Variants in ROBO1 observed in about 807,000 individuals in gnomAD.
The protein encoded by ROBO1 is roundabout homolog 1.
A neutral mutation model predicts 195.9 loss-of-function variants in ROBO1; 149 were observed. That is an observed-to-expected ratio of 0.76 (90% CI 0.67 to 0.87). The LOEUF is 0.87. Ranked by LOEUF, ROBO1 falls within the 40% of genes least tolerant of loss-of-function variation. The probability of loss-of-function intolerance (pLI) is 0.00; values close to 1 mark genes in which losing one functional copy is unlikely to be tolerated. For missense variants in ROBO1, 1,933 were observed against 2,068.3 expected (o/e 0.93, Z 1.27); for synonymous variants, 816 against 733.2 (o/e 1.11, Z -1.82).
chr3:79,352,996 A>C (rs1181325226), intron 2 of ROBO1, among the ~76,000 whole-genome samples: 7 of 152,188 alleles, frequency 4.6e-5, no homozygotes, highest in African/African-American at 1.4e-4. Context: ...ACAGAGAGTT[A>C]AGAATCAATG....
chr3:79,092,531 A>T (rs1000906826), intron 3 of ROBO1, among the ~76,000 whole-genome samples: 2 of 152,152 alleles, frequency 1.3e-5, no homozygotes, highest in Non-Finnish European at 2.9e-5. Flanking sequence ...ATAAAATTTC[A>T]TTTCTGAAGT....
intron 2 of ROBO1, among the ~76,000 whole-genome samples, chr3:79,171,471 T>C (rs1201069335): frequency 6.7e-6 from 1 of 149,850 alleles, no homozygotes; most frequent in Non-Finnish European, 1.5e-5. Flanking sequence ...CTTTTGTTGA[T>C]ATTCTAGATT....
chr3:79,449,710 G>A (rs1326620732), intron 2 of ROBO1, among the ~76,000 whole-genome samples: 6 of 152,022 alleles, frequency 3.9e-5, no homozygotes, highest in Non-Finnish European at 7.4e-5. Context: ...GTTATAGTTT[G>A]ATGATAAATA....
intron 1 of ROBO1, among the ~76,000 whole-genome samples, chr3:79,640,960 C>G (rs1945641628): frequency 6.6e-6 from 1 of 152,016 alleles, no homozygotes; most frequent in African/African-American, 2.4e-5. Flanking sequence ...TTTGCATTCC[C>G]CAAGCTATCT....
chr3:79,435,104 C>A (rs2038838462), intron 2 of ROBO1, among the ~76,000 whole-genome samples: 1 of 152,050 alleles, frequency 6.6e-6, no homozygotes, highest in African/African-American at 2.4e-5. Flanking sequence ...AGGAAATATA[C>A]CTAATATAAA....
intron 4 of ROBO1, among the ~76,000 whole-genome samples, chr3:78,933,521 A>G (rs1413213773): frequency 2.0e-5 from 3 of 152,102 alleles, no homozygotes; most frequent in Non-Finnish European, 4.4e-5. Context: ...TGATATTTGG[A>G]TGCAACAAGT....
chr3:79,273,301 A>G (rs2030737940), intron 2 of ROBO1, among the ~76,000 whole-genome samples: 1 of 152,118 alleles, frequency 6.6e-6, no homozygotes, highest in African/African-American at 2.4e-5. Context: ...TAACTACAAC[A>G]ACTTTTCCAG....
Position 78,936,992 on chromosome 3 carries a change from T to C in ROBO1, c.499+1609A>G, listed in dbSNP as rs1366542689. On this transcript the variant is annotated intron_variant, in intron 4 of 30. Transcript: ENST00000464233. Reference sequence around the variant, plus strand: ...AAGTTCATTGTTAGTTAACTGTGAATAGGCAAATATAAACTGGATTGTAGA... The same window carrying C: ...AAGTTCATTGTTAGTTAACTGTGAACAGGCAAATATAAACTGGATTGTAGA... Among the ~76,000 whole-genome samples, 4 of 152,272 alleles carry C rather than the reference T, an allele frequency of 2.6e-5. No homozygotes were observed. In the East Asian group the frequency reaches 7.7e-4, roughly 29 times the overall value.
chr3:78,731,280 T>C (rs2082279838), intron 5 of ROBO1, among the ~76,000 whole-genome samples: 1 of 152,088 alleles, frequency 6.6e-6, no homozygotes, highest in Non-Finnish European at 1.5e-5. Flanking sequence ...AACCTACGTC[T>C]AGGATATACT....
chr3:79,596,877 C>G (rs937202568), intron 1 of ROBO1, among the ~76,000 whole-genome samples: 1 of 151,758 alleles, frequency 6.6e-6, no homozygotes, highest in Non-Finnish European at 1.5e-5. Context: ...TAAAGTGACT[C>G]CAGATAAAGG....
chr3:79,679,200 A>G (rs552530945), intron 1 of ROBO1, among the ~76,000 whole-genome samples: 33 of 152,142 alleles, frequency 2.2e-4, no homozygotes, highest in African/African-American at 7.7e-4. Flanking sequence ...AATGCTTTTT[A>G]TTTCATAAAT....
intron 8 of ROBO1, among the ~76,000 whole-genome samples, chr3:78,699,594 T>G (rs1051654676): frequency 1.3e-5 from 2 of 149,948 alleles, no homozygotes; most frequent in African/African-American, 2.4e-5. Context: ...ATAATAATAT[T>G]AATAATAATA....
intron 26 of ROBO1, among the ~76,000 whole-genome samples, chr3:78,619,499 T>C (rs1704323445): frequency 6.6e-6 from 1 of 151,344 alleles, no homozygotes; most frequent in African/African-American, 2.4e-5. Flanking sequence ...TAAGATGAGA[T>C]AAGAATAGCC....
At chr3:78,786,613 C>T (rs1277844289) in intron 4 of ROBO1, among the ~76,000 whole-genome samples, 1 of 151,874 alleles carries the variant, frequency 6.6e-6, no homozygotes, top group Admixed American at 6.6e-5. Flanking sequence ...TGGGTTTTTC[C>T]CATGCTGTTC....
intron 18 of ROBO1, among the ~76,000 whole-genome samples, chr3:78,654,173 GA>G (rs1706852385): frequency 6.6e-6 from 1 of 152,090 alleles, no homozygotes; most frequent in Non-Finnish European, 1.5e-5. Flanking sequence ...AAACTGGAAG[GA>G]AAAATAAGCA....
intron 4 of ROBO1, among the ~76,000 whole-genome samples, chr3:78,909,505 G>T (rs1030612008): frequency 1.6e-4 from 24 of 151,816 alleles, no homozygotes; most frequent in African/African-American, 5.3e-4. Context: ...CATTAAACTC[G>T]ATGACGTGTT....
At chr3:78,926,197 A>T (rs1355899710) in intron 4 of ROBO1, among the ~76,000 whole-genome samples, 2 of 152,126 alleles carry the variant, frequency 1.3e-5, no homozygotes, top group African/African-American at 4.8e-5. Context: ...GATCAAAGGG[A>T]TGGGGTTGAA....
At chr3:78,950,523 AG>A (rs1490534573) in intron 3 of ROBO1, among the ~76,000 whole-genome samples, 2 of 74,880 alleles carry the variant, frequency 2.7e-5, no homozygotes, top group African/African-American at 1.1e-4. Context: ...GGGTGGGGGG[AG>A]GGGGGAGGGA....
At chr3:79,123,091 C>A (rs1015950486) in intron 3 of ROBO1, among the ~76,000 whole-genome samples, 1 of 151,984 alleles carries the variant, frequency 6.6e-6, no homozygotes, top group Non-Finnish European at 1.5e-5. Flanking sequence ...TTGCATTGCA[C>A]ATTCTCTAAG....
Sources: gnomAD v4.1 joint callset for allele counts (sites outside exome capture counted in the v4.1 genomes callset) on GRCh38, gnomAD v4.1.1 for gene constraint, MANE v1.5 for transcripts, NCBI Gene and HGNC (gene_info 2026-07-23, HGNC 2026-07-21) for gene names.